The following SPDYA variants were observed in gnomAD, a reference collection of about 807,000 sequenced individuals.
SPDYA encodes the protein speedy/RINGO cell cycle regulator family member A.
A neutral mutation model predicts 36.7 loss-of-function variants in SPDYA; 11 were observed. That is an observed-to-expected ratio of 0.30 (90% CI 0.19 to 0.50). The LOEUF is 0.50. SPDYA is among the 20% of genes least tolerant of loss of function. The probability of loss-of-function intolerance (pLI) is 0.98; values close to 1 mark genes in which losing one functional copy is unlikely to be tolerated. For missense variants in SPDYA, 287 were observed against 370.9 expected (o/e 0.77, Z 1.86); for synonymous variants, 115 against 118.7 (o/e 0.97, Z 0.20).
intron 7 of SPDYA, among the ~76,000 whole-genome samples, chr2:28,847,053 G>A (rs1230547944): frequency 2.6e-5 from 4 of 152,168 alleles, no homozygotes; most frequent in Admixed American, 2.6e-4. Flanking sequence ...ATTAAAAAAT[G>A]GACTTCAGGC....
chr2:28,819,363 C>G (rs147925236), intron 4 of SPDYA, among the ~76,000 whole-genome samples: 57 of 151,820 alleles, frequency 3.8e-4, no homozygotes, highest in Middle Eastern at 3.4e-3. Context: ...TAAAAATTAG[C>G]CAAGTGTGGT....
chr2:28,816,332 C>T, intron 3 of SPDYA, 83 bp downstream of exon 3: 2 of 1,016,036 alleles, frequency 2.0e-6, no homozygotes, highest in Non-Finnish European at 2.8e-6. Flanking sequence ...TTATTCTGAT[C>T]AAAGAGGATA....
intron 6 of SPDYA, 97 bp from the exon 7 acceptor site, chr2:28,840,075 C>G: frequency 8.5e-7 from 1 of 1,176,040 alleles, no homozygotes; most frequent in Non-Finnish European, 1.2e-6. Flanking sequence ...TTTATCTTCA[C>G]TTTAGAGACA....
At chr2:28,816,330 A>G in intron 3 of SPDYA, 81 bp downstream of exon 3, 1 of 1,016,836 alleles carries the variant, frequency 9.8e-7, no homozygotes, top group Non-Finnish European at 1.4e-6. Context: ...TTTTATTCTG[A>G]TCAAAGAGGA....
In SPDYA at chr2:28,811,820, G is replaced by T. The variant is rs187554955; in HGVS notation, c.-93+873G>T. ...CTTAAAAAAAAAGTATCCTGGCATG[G>T]TGGCGGGCGCCTGTAATCCCAGCTC... On this transcript the variant is annotated intron_variant, in intron 1 of 7. Coordinates refer to ENST00000334056, the MANE Select transcript of SPDYA (RefSeq NM_182756.4). This position sits in a 1 kb window ranked among gnomAD's most constrained non-coding sequence, Gnocchi z 4.2. Among the ~76,000 whole-genome samples, 202 of 152,166 alleles carry T rather than the reference G, an allele frequency of 1.3e-3. 1 individual carries two copies. The highest frequency in any genetic ancestry group is 2.3e-3 in the Non-Finnish European group (159 of 67,996).
chr2:28,823,744 TAAAA>T (rs1558324090), intron 5 of SPDYA, among the ~76,000 whole-genome samples: 4 of 85,406 alleles, frequency 4.7e-5, no homozygotes, highest in East Asian at 3.7e-4. Context: ...TATATATATA[TAAAA>T]TTTTTTTTTT....
chr2:28,843,762 C>T (rs755295516), intron 7 of SPDYA, among the ~76,000 whole-genome samples: 4 of 152,010 alleles, frequency 2.6e-5, no homozygotes, highest in Admixed American at 6.6e-5. Context: ...AAAAGTCACA[C>T]CATTACCAGG....
Position 28,814,731 on chromosome 2 carries a change from A to C in SPDYA, c.-19+45A>C, listed in dbSNP as rs567406773. ...TGTGAGGTTGCATTCAGAGGTTCTC[A>C]GTAGGGTCCTAGAGTAGTTTCCTGT... is the stretch of plus-strand genomic sequence containing the variant. On this transcript the variant is annotated intron_variant, in intron 2 of 7. Transcript: ENST00000334056. 4 of 152,328 alleles carry C rather than the reference A, an allele frequency of 2.6e-5. No homozygotes were observed. The East Asian group carries it at 7.7e-4, about 29-fold the overall frequency. 9.4% of individuals were successfully genotyped at this position (152,328 alleles called of 1,614,324 possible). A position where few individuals can be genotyped will look rare whatever the true frequency, so the allele number is the denominator to read the frequency against.
At chr2:28,841,247 T>C (rs1668744819) in intron 7 of SPDYA, among the ~76,000 whole-genome samples, 1 of 152,156 alleles carries the variant, frequency 6.6e-6, no homozygotes, top group Non-Finnish European at 1.5e-5. Flanking sequence ...AACCTGATTT[T>C]TAATTCTGAC....
intron 6 of SPDYA, among the ~76,000 whole-genome samples, chr2:28,836,380 CA>C (rs1668603378): frequency 6.6e-6 from 1 of 152,152 alleles, no homozygotes; most frequent in Admixed American, 6.5e-5. Context: ...TTCACAGATG[CA>C]AAAACTGTGG....
At chr2:28,813,769 C>T (rs1188118987) in intron 1 of SPDYA, among the ~76,000 whole-genome samples, 2 of 152,108 alleles carry the variant, frequency 1.3e-5, no homozygotes, top group East Asian at 3.9e-4. Flanking sequence ...TCAGGCTGGT[C>T]TCAAACTCCT....
chr2:28,816,012 A>G lies in SPDYA; in HGVS notation c.-3A>G. The G allele has an allele frequency of 6.2e-7, 1 of 1,603,154 alleles. No individual in the cohort carries two copies. The highest frequency in any genetic ancestry group is 1.1e-5 in the South Asian group (1 of 88,364). On this transcript the variant is annotated 5_prime_UTR_variant, in exon 3 of 8. Coordinates refer to ENST00000334056, the MANE Select transcript of SPDYA (RefSeq NM_182756.4). The stretch of plus-strand genomic sequence containing the variant: ...ATTTTTACAGGAATATTGGGAAACC[A>G]AAATGAGGCACAATCAGATGTGTTG...
chr2:28,831,011 T>A (rs1668468146), intron 6 of SPDYA, among the ~76,000 whole-genome samples: 1 of 152,198 alleles, frequency 6.6e-6, no homozygotes, highest in Admixed American at 6.5e-5. Flanking sequence ...TATACATTGA[T>A]TTAGTGAGCA....
intron 6 of SPDYA, among the ~76,000 whole-genome samples, chr2:28,829,545 C>T (rs1361221288): frequency 6.6e-6 from 1 of 152,018 alleles, no homozygotes. Flanking sequence ...GCCCTGCTCA[C>T]GCCTGTAATC....
At chr2:28,843,790 CAA>C (rs1668806754) in intron 7 of SPDYA, among the ~76,000 whole-genome samples, 1 of 152,034 alleles carries the variant, frequency 6.6e-6, no homozygotes. Flanking sequence ...ATAACAGAAA[CAA>C]GATGGGAACC....
At chr2:28,841,086 C>A (rs557779328) in intron 7 of SPDYA, among the ~76,000 whole-genome samples, 2 of 151,862 alleles carry the variant, frequency 1.3e-5, no homozygotes, top group Non-Finnish European at 2.9e-5. Context: ...AGACATGTGC[C>A]ACCATGCCCA....
chr2:28,840,452 C>T lies in SPDYA; in HGVS notation c.833C>T (p.Ala278Val), dbSNP rs762856515. The T allele has an allele frequency of 1.9e-6, 3 of 1,613,766 alleles. No homozygotes were observed. Among genetic ancestry groups the T allele is most frequent in the Admixed American group, 3.3e-5 (2 of 59,910 alleles). The change falls in exon 7 of 8, where the codon GCT (alanine) becomes GTT (valine). Residue 278 changes from alanine (A) to valine (V), a missense_variant. Transcript: ENST00000334056. ...GACATAATAGGTGATCCTTCTCAAG[C>T]TTATACTGGTTCTGAAGGTATGATT... ...SMDIIGDPSQ[A>V]YTGSEVVNDH... is the part of the protein sequence containing the mutation.
intron 7 of SPDYA, among the ~76,000 whole-genome samples, chr2:28,847,492 A>G (rs1402453548): frequency 8.6e-5 from 13 of 152,018 alleles, no homozygotes; most frequent in Admixed American, 8.5e-4. Flanking sequence ...CTGTAATCCT[A>G]GAACTGTGGG....
intron 6 of SPDYA, among the ~76,000 whole-genome samples, chr2:28,838,684 G>A (rs2148102638): frequency 6.6e-6 from 1 of 152,142 alleles, no homozygotes; most frequent in East Asian, 1.9e-4. Flanking sequence ...AAAAATAACA[G>A]TTTTTGGCTG....
Sources: gnomAD v4.1 joint callset for allele counts (sites outside exome capture counted in the v4.1 genomes callset) on GRCh38, gnomAD v4.1.1 for gene constraint, Gnocchi (gnomAD v3.1) non-coding constraint, MANE v1.5 for transcripts, NCBI Gene and HGNC (gene_info 2026-07-23, HGNC 2026-07-21) for gene names.